Variants in ING3 observed in about 807,000 individuals in gnomAD.
ING3 encodes inhibitor of growth family member 3.
ING3 carries 6 observed loss-of-function variants against 64.8 expected under a neutral mutation model. The observed-to-expected ratio is 0.09, with a 90% CI of 0.05 to 0.18. ING3 has a LOEUF of 0.18. ING3 is among the 10% of genes least tolerant of loss of function. The probability of loss-of-function intolerance (pLI) is 1.00; values close to 1 mark genes in which losing one functional copy is unlikely to be tolerated. For missense variants in ING3, 310 were observed against 489.7 expected (o/e 0.63, Z 3.46); for synonymous variants, 170 against 173.7 (o/e 0.98, Z 0.17).
At chr7:120,968,228 G>T in intron 8 of ING3, 137 bp downstream of exon 8, 1 of 794,894 alleles carries the variant, frequency 1.3e-6, no homozygotes, top group Non-Finnish European at 1.9e-6. Context: ...TTCACGATAT[G>T]TGATATTTTA....
At chr7:120,959,835 C>T (rs1051707638) in intron 4 of ING3, among the ~76,000 whole-genome samples, 5 of 151,288 alleles carry the variant, frequency 3.3e-5, no homozygotes, top group Admixed American at 2.6e-4. Flanking sequence ...TTAGTAGAGA[C>T]GGGGTTTCAC....
Position 120,966,043 on chromosome 7 carries a change from A to G in ING3, c.365-583A>G, listed in dbSNP as rs565601376. ...AAACTGCTCCACCCTGTGCCCTGCC[A>G]TAATTTCATCTCAAGGGATCAAAAA... On this transcript the variant is annotated intron_variant, in intron 5 of 11. Coordinates refer to ENST00000315870, the MANE Select transcript of ING3 (RefSeq NM_019071.3). Among the ~76,000 whole-genome samples, 18 of 152,298 alleles carry G rather than the reference A, an allele frequency of 1.2e-4. 1 individual carries two copies. In the South Asian group the frequency reaches 3.7e-3, roughly 32 times the overall value.
intron 4 of ING3, among the ~76,000 whole-genome samples, chr7:120,958,909 G>C (rs1259564787): frequency 6.6e-6 from 1 of 152,140 alleles, no homozygotes; most frequent in Non-Finnish European, 1.5e-5. Flanking sequence ...CTAAATTTAT[G>C]GCAATTGGGG....
intron 4 of ING3, among the ~76,000 whole-genome samples, chr7:120,959,630 A>ATTTTTTTTTTTTTTTTTT (rs397889009): frequency 1.8e-5 from 1 of 55,676 alleles, no homozygotes; most frequent in African/African-American, 7.3e-5. Flanking sequence ...ACTTCCTCAC[A>ATTTTTTTTTTTTTTTTTT]TTTTTTTTTT....
Position 120,954,133 on chromosome 7 carries a change from A to T in ING3, c.201+729A>T, listed in dbSNP as rs576894941. On this transcript the variant is annotated intron_variant, in intron 3 of 11. Transcript: ENST00000315870. The stretch of plus-strand genomic sequence containing the variant: ...CCAATGTTCATAGAATTGTTCAAGG[A>T]TCAACTAAGAGGCCTGGCGTGGTGG... Among the ~76,000 whole-genome samples the T allele has an allele frequency of 8.5e-5, 13 of 152,304 alleles. No individual in the cohort carries two copies. The South Asian group carries it at 2.1e-3, about 24-fold the overall frequency.
Position 120,969,000 on chromosome 7 carries a change from G to A in ING3, c.715-11G>A, listed in dbSNP as rs1474615674. 1 of 1,573,458 alleles carries A rather than the reference G, an allele frequency of 6.4e-7. No homozygotes were observed. The highest frequency in any genetic ancestry group is 8.7e-7 in the Non-Finnish European group (1 of 1,149,054). ...ACATATATTGATGCTATCAATGAAT[G>A]TCTATTTAAGATGAAGGAGGGACGA... On this transcript the variant is annotated splice_polypyrimidine_tract_variant and intron_variant, in intron 8 of 11. Transcript: ENST00000315870.
chr7:120,958,992 C>A (rs1359936338), intron 4 of ING3, among the ~76,000 whole-genome samples: 1 of 152,160 alleles, frequency 6.6e-6, no homozygotes, highest in Non-Finnish European at 1.5e-5. Context: ...AGCTTCAATT[C>A]TTTTTAACTG....
chr7:120,969,350 T>C, intron 9 of ING3, 146 bp downstream of exon 9: 1 of 473,558 alleles, frequency 2.1e-6, no homozygotes. Flanking sequence ...GTTTTCATTT[T>C]ATAGTGCCAT....
intron 9 of ING3, among the ~76,000 whole-genome samples, chr7:120,970,055 G>C (rs1796046289): frequency 6.6e-6 from 1 of 152,138 alleles, no homozygotes; most frequent in African/African-American, 2.4e-5. Context: ...TTGGTTCCCT[G>C]CCATACTCAT....
At position 120,975,750 on chromosome 7, in the gene ING3, G is replaced by C. The variant is rs1056967996; in HGVS notation, c.*906G>C. 1.3e-5 allele frequency: 2 copies of C among 151,978 alleles called. No homozygotes were observed. The highest frequency in any genetic ancestry group is 2.9e-5 in the Non-Finnish European group (2 of 67,978). 9.4% of individuals were successfully genotyped at this position (151,978 alleles called of 1,614,324 possible). The stretch of plus-strand genomic sequence containing the variant: ...AATCTAAAAAGAATCAGAGACCCAG[G>C]ACACAGAATACTGTGTAATCTGTGA... On this transcript the variant is annotated 3_prime_UTR_variant, in exon 12 of 12. Transcript: ENST00000315870.
Position 120,975,380 on chromosome 7 carries a change from T to C in ING3, c.*536T>C, listed in dbSNP as rs1013293301. The C allele has an allele frequency of 1.3e-5, 2 of 152,108 alleles. No homozygotes were observed. Among genetic ancestry groups the C allele is most frequent in the Non-Finnish European group, 2.9e-5 (2 of 68,042 alleles). 9.4% of individuals were successfully genotyped at this position (152,108 alleles called of 1,614,324 possible). A position where few individuals can be genotyped will look rare whatever the true frequency, so the allele number is the denominator to read the frequency against. ...TCTTTGTGAAACTAATTCAGCAGGC[T>C]GAAGGAAATGGTTCATGTGATAATG... is the stretch of plus-strand genomic sequence containing the variant. On this transcript the variant is annotated 3_prime_UTR_variant, in exon 12 of 12. Coordinates refer to ENST00000315870, the MANE Select transcript of ING3 (RefSeq NM_019071.3).
intron 3 of ING3, among the ~76,000 whole-genome samples, chr7:120,954,743 C>T (rs1584987228): frequency 6.6e-6 from 1 of 152,054 alleles, no homozygotes; most frequent in Admixed American, 6.5e-5. Context: ...TTCTTTCCCC[C>T]TCTTTTTTAA....
chr7:120,966,563 T>C, intron 5 of ING3, 63 bp from the exon 6 acceptor site: 1 of 1,223,950 alleles, frequency 8.2e-7, no homozygotes, highest in Non-Finnish European at 1.2e-6. Flanking sequence ...TGTAGTTGAG[T>C]GACATGTGAA....
At chr7:120,951,274 G>C (rs758676507) in intron 2 of ING3, 39 bp downstream of exon 2, 2 of 1,591,646 alleles carry the variant, frequency 1.3e-6, no homozygotes, top group South Asian at 2.2e-5. Flanking sequence ...CGCTGCGCGC[G>C]TTCAGTGCCA....
In ING3 at chr7:120,950,854, T is replaced by C; in HGVS notation, c.-43T>C. The C allele has an allele frequency of 1.3e-6, 2 of 1,498,368 alleles. No homozygotes were observed. The highest frequency in any genetic ancestry group is 9.0e-7 in the Non-Finnish European group (1 of 1,110,680). 92.8% of individuals were successfully genotyped at this position (1,498,368 alleles called of 1,614,324 possible). ...CTCCGGCGACAGCGAGTGACACAAATAAACCCCTGGACCCCCTTGTTCCCT... is the reference window on the plus strand; with the variant it reads ...CTCCGGCGACAGCGAGTGACACAAACAAACCCCTGGACCCCCTTGTTCCCT... On this transcript the variant is annotated 5_prime_UTR_variant, in exon 1 of 12. Transcript: ENST00000315870.
intron 8 of ING3, 116 bp from the exon 9 acceptor site, chr7:120,968,890 ATAGTT>A (rs1057341395): frequency 1.0e-4 from 61 of 588,446 alleles, no homozygotes; most frequent in Non-Finnish European, 1.6e-4. Context: ...GATGAAAATA[ATAGTT>A]TAAACAATAT....
At chr7:120,967,700 G>A in intron 7 of ING3, 52 bp downstream of exon 7, 2 of 1,519,696 alleles carry the variant, frequency 1.3e-6, no homozygotes, top group South Asian at 1.3e-5. Context: ...GTTAGAGTAA[G>A]GGGAAATAAA....
chr7:120,952,353 G>A lies in ING3; in HGVS notation c.101-951G>A, dbSNP rs1278763126. Among the ~76,000 whole-genome samples the A allele has an allele frequency of 2.0e-5, 3 of 152,112 alleles. No individual in the cohort carries two copies. In the East Asian group the frequency reaches 5.8e-4, roughly 29 times the overall value. On this transcript the variant is annotated intron_variant, in intron 2 of 11. Coordinates refer to ENST00000315870, the MANE Select transcript of ING3 (RefSeq NM_019071.3). ...GTCTATAAAAAGAGAATCATCCAAG[G>A]ATTTAAAATGTTACACATGGATTAG...
chr7:120,970,688 AAAC>A lies in ING3; in HGVS notation c.918_920del (p.Asn306del), dbSNP rs372966683. 2.0e-5 allele frequency: 33 copies of A among 1,612,408 alleles called. No homozygotes were observed. The highest frequency in any genetic ancestry group is 1.0e-4 in the Admixed American group (6 of 59,706). On this transcript the variant is annotated inframe_deletion and splice_region_variant, in exon 10 of 12. Transcript: ENST00000315870. ...ATAAAACTTATACTATTTTTTTCAG[AAAC>A]AACAACAAGTCTTCAAGCCAGCAGT...
Sources: allele counts gnomAD v4.1 joint callset (sites outside exome capture counted in the v4.1 genomes callset), GRCh38; gene constraint gnomAD v4.1.1; transcripts MANE v1.5; gene names NCBI Gene and HGNC (gene_info 2026-07-23, HGNC 2026-07-21).